The following PDE4D variants were observed in gnomAD, a reference collection of about 807,000 sequenced individuals.
The protein encoded by PDE4D is 3',5'-cyclic-AMP phosphodiesterase 4D.
In PDE4D, 24 loss-of-function variants were observed where a neutral mutation model predicts 87.4. That is an observed-to-expected ratio of 0.27 (90% CI 0.20 to 0.39). PDE4D has a LOEUF of 0.39. PDE4D is among the 10% of genes least tolerant of loss of function. The probability of loss-of-function intolerance (pLI) is 1.00; values close to 1 mark genes in which losing one functional copy is unlikely to be tolerated. For missense variants in PDE4D, 714 were observed against 1,041.0 expected, an observed-to-expected ratio of 0.69 and a Z score of 4.32; for synonymous variants, 384 against 383.2, an observed-to-expected ratio of 1.00 and a Z score of -0.02.
At chr5:60,277,271 A>G (rs1277682111) in intron 1 of PDE4D, among the ~76,000 whole-genome samples, 1 of 151,590 alleles carries the variant, frequency 6.6e-6, no homozygotes. Context: ...AGTTCTAGCA[A>G]AAGCATCTAG....
At chr5:59,816,397 G>A (rs2963819) in intron 1 of PDE4D, among the ~76,000 whole-genome samples, 151,720 of 152,330 alleles carry the variant, frequency 1, 75,569 homozygotes, top group Middle Eastern at 1. Flanking sequence ...TCATTCATTC[G>A]CTCAACAAGT....
chr5:59,341,250 C>T (rs1778670006), intron 1 of PDE4D, among the ~76,000 whole-genome samples: 2 of 152,134 alleles, frequency 1.3e-5, no homozygotes, highest in South Asian at 4.1e-4. Flanking sequence ...AGAGTTATTA[C>T]ATTTGCAAGG....
intron 1 of PDE4D, among the ~76,000 whole-genome samples, chr5:59,841,645 T>TA (rs1743006483): frequency 6.6e-6 from 1 of 151,948 alleles, no homozygotes; most frequent in African/African-American, 2.4e-5. Context: ...TGATTACAAT[T>TA]CAATGAGATG....
intron 3 of PDE4D, among the ~76,000 whole-genome samples, chr5:59,913,971 C>T (rs1189199471): frequency 1.3e-5 from 2 of 152,082 alleles, no homozygotes; most frequent in African/African-American, 2.4e-5. Flanking sequence ...CAAATCATAT[C>T]TCTATTTCAC....
chr5:59,416,712 A>T (rs1793674697), intron 1 of PDE4D, among the ~76,000 whole-genome samples: 1 of 152,200 alleles, frequency 6.6e-6, no homozygotes, highest in African/African-American at 2.4e-5. Flanking sequence ...ATCAGAGTAA[A>T]CATATGATTC....
At chr5:59,748,512 G>A (rs1759957926) in intron 1 of PDE4D, among the ~76,000 whole-genome samples, 1 of 152,118 alleles carries the variant, frequency 6.6e-6, no homozygotes. Flanking sequence ...GGACATGGAT[G>A]AAGCTGGAAA....
intron 1 of PDE4D, among the ~76,000 whole-genome samples, chr5:59,349,558 C>A (rs1272107094): frequency 6.6e-6 from 1 of 152,046 alleles, no homozygotes; most frequent in Non-Finnish European, 1.5e-5. Flanking sequence ...CGTTGAAAAT[C>A]ATAAAATCAA....
intron 1 of PDE4D, among the ~76,000 whole-genome samples, chr5:59,289,355 C>T (rs1237687092): frequency 2.0e-5 from 3 of 151,836 alleles, no homozygotes; most frequent in African/African-American, 7.2e-5. Flanking sequence ...ACAACAGGTT[C>T]TCAAAAAATA....
chr5:59,944,266 A>T (rs1410626841), intron 3 of PDE4D, among the ~76,000 whole-genome samples: 1 of 151,716 alleles, frequency 6.6e-6, no homozygotes, highest in African/African-American at 2.4e-5. Flanking sequence ...TTTTCTATTT[A>T]TTCCAGCTTT....
intron 2 of PDE4D, among the ~76,000 whole-genome samples, chr5:60,171,375 C>T (rs982172485): frequency 6.6e-6 from 1 of 152,044 alleles, no homozygotes; most frequent in East Asian, 1.9e-4. Context: ...GGCTGTTGTG[C>T]GTTTTCAGAA....
At chr5:59,573,885 CA>C (rs1312587796) in intron 1 of PDE4D, among the ~76,000 whole-genome samples, 1 of 149,564 alleles carries the variant, frequency 6.7e-6, no homozygotes, top group East Asian at 2.0e-4. Context: ...GTAGTCCCAG[CA>C]ACTCGGGAGG....
At chr5:59,477,442 G>A (rs538736826) in intron 1 of PDE4D, among the ~76,000 whole-genome samples, 1 of 151,140 alleles carries the variant, frequency 6.6e-6, no homozygotes, top group East Asian at 1.9e-4. Context: ...AAATAAAAGT[G>A]TATGTAATTT....
chr5:59,951,845 C>T (rs1349171035), intron 3 of PDE4D, among the ~76,000 whole-genome samples: 2 of 152,076 alleles, frequency 1.3e-5, no homozygotes, highest in African/African-American at 4.8e-5. Flanking sequence ...ACAATTTTAC[C>T]TCACATTCCA....
At chr5:59,967,495 T>G (rs919501633) in intron 3 of PDE4D, among the ~76,000 whole-genome samples, 1 of 151,984 alleles carries the variant, frequency 6.6e-6, no homozygotes, top group African/African-American at 2.4e-5. Context: ...AAGAAATATA[T>G]GAAAAATGCT....
At chr5:59,681,515 T>C (rs1203208727) in intron 1 of PDE4D, among the ~76,000 whole-genome samples, 3 of 152,050 alleles carry the variant, frequency 2.0e-5, no homozygotes, top group East Asian at 1.9e-4. Context: ...GTGTTAAGAG[T>C]TGGGACATTT....
chr5:60,054,088 G>A (rs1290225864), intron 2 of PDE4D, among the ~76,000 whole-genome samples: 2 of 152,166 alleles, frequency 1.3e-5, no homozygotes, highest in Non-Finnish European at 2.9e-5. Flanking sequence ...CTGTTGGTGG[G>A]AGTGTAAATT....
intron 2 of PDE4D, among the ~76,000 whole-genome samples, chr5:60,017,115 G>C (rs897310161): frequency 2.6e-5 from 4 of 152,192 alleles, no homozygotes; most frequent in African/African-American, 4.8e-5. Flanking sequence ...GTTCTTGAGT[G>C]ATCAGGTGCG....
chr5:59,937,652 T>C (rs1205534085), intron 3 of PDE4D, among the ~76,000 whole-genome samples: 2 of 152,194 alleles, frequency 1.3e-5, no homozygotes, highest in Non-Finnish European at 2.9e-5. Context: ...CCTATTGAAT[T>C]AAGACCCTAC....
chr5:60,017,266 CA>C (rs1490523295), intron 2 of PDE4D, among the ~76,000 whole-genome samples: 1 of 152,036 alleles, frequency 6.6e-6, no homozygotes, highest in East Asian at 1.9e-4. Context: ...TTATAGAGCA[CA>C]AAGAGAGTAG....
Sources: gnomAD v4.1 joint callset for allele counts (sites outside exome capture counted in the v4.1 genomes callset) on GRCh38, gnomAD v4.1.1 for gene constraint, MANE v1.5 for transcripts, NCBI Gene and HGNC (gene_info 2026-07-23, HGNC 2026-07-21) for gene names.